Variants in MAP3K20 observed in about 807,000 individuals in gnomAD.
MAP3K20 encodes the protein HCCS-4.
In MAP3K20, 40 loss-of-function variants were observed where a neutral mutation model predicts 85.7. The ratio of observed to expected loss-of-function variants is 0.47; its 90% CI spans 0.36 to 0.61. The LOEUF is 0.61. MAP3K20 is among the 20% of genes least tolerant of loss of function. The pLI is 0.00. For missense variants in MAP3K20, 817 were observed against 961.7 expected (o/e 0.85, Z 1.99); for synonymous variants, 325 against 327.7 (o/e 0.99, Z 0.09).
chr2:173,134,428 A>ATTTTTTT lies in MAP3K20; in HGVS notation c.160-35364_160-35358dup, dbSNP rs1274644433. ...TATATATATATATATATATATATAT[A>ATTTTTTT]TTTTTTTTTTTTTTTTTTTGCAGAG... On this transcript the variant is annotated intron_variant, in intron 2 of 19. Coordinates refer to ENST00000375213, the MANE Select transcript of MAP3K20 (RefSeq NM_016653.3). 3.5e-3 allele frequency among the ~76,000 whole-genome samples: 11 copies of ATTTTTTT among 3,154 alleles called. 2 individuals carry two copies. The highest frequency in any genetic ancestry group is 0.031 in the East Asian group (7 of 224). The allele number at this position is 3,154 out of a possible 152,430, so 2.1% of individuals were successfully genotyped here.
intron 5 of MAP3K20, 148 bp from the exon 6 acceptor site, chr2:173,190,747 G>A: frequency 1.3e-6 from 1 of 755,740 alleles, no homozygotes; most frequent in South Asian, 2.0e-5. Flanking sequence ...GCCCCCTTTT[G>A]CAAAATCCTC....
chr2:173,224,923 A>G, intron 11 of MAP3K20: 2 of 985,282 alleles, frequency 2.0e-6, no homozygotes, highest in Non-Finnish European at 2.4e-6. Flanking sequence ...TGAAATGGCA[A>G]TTATCAGTGT....
chr2:173,227,006 T>C (rs1449540228), intron 11 of MAP3K20: 2 of 985,586 alleles, frequency 2.0e-6, no homozygotes, highest in African/African-American at 1.7e-5. Flanking sequence ...GATTTTATAG[T>C]TGGAATTTGA....
intron 16 of MAP3K20, among the ~76,000 whole-genome samples, chr2:173,243,779 A>G (rs1399746842): frequency 1.3e-5 from 2 of 151,912 alleles, no homozygotes; most frequent in African/African-American, 4.8e-5. Flanking sequence ...TCCCGCCACC[A>G]CGCCCGGCTA....
intron 1 of MAP3K20, among the ~76,000 whole-genome samples, chr2:173,084,979 ATCTC>A (rs1291563338): frequency 6.6e-6 from 1 of 152,196 alleles, no homozygotes; most frequent in Non-Finnish European, 1.5e-5. Flanking sequence ...CTGTTGAAAT[ATCTC>A]TTATTTGGAA....
chr2:173,093,782 C>T (rs954052377), intron 2 of MAP3K20, among the ~76,000 whole-genome samples: 1 of 152,000 alleles, frequency 6.6e-6, no homozygotes, highest in African/African-American at 2.4e-5. Flanking sequence ...AAATGTGGCA[C>T]ATATACACCA....
chr2:173,217,346 C>T (rs1667597676), intron 11 of MAP3K20, 96 bp downstream of exon 11: 3 of 1,321,114 alleles, frequency 2.3e-6, no homozygotes, highest in Non-Finnish European at 2.9e-6. Flanking sequence ...CCTCCCGCCG[C>T]CCCCTCCTCA....
chr2:173,186,005 C>T (rs1424700475), intron 4 of MAP3K20, among the ~76,000 whole-genome samples: 1 of 152,134 alleles, frequency 6.6e-6, no homozygotes, highest in East Asian at 1.9e-4. Context: ...GATGGATCTA[C>T]AAAAACATTA....
intron 3 of MAP3K20, among the ~76,000 whole-genome samples, chr2:173,172,822 C>T (rs1312532967): frequency 7.3e-5 from 11 of 149,794 alleles, no homozygotes; most frequent in Non-Finnish European, 7.4e-5. Context: ...TTTTTTGAGA[C>T]GGAGTCTTGC....
rs537260517 is a variant in MAP3K20 at position 173,142,935 on chromosome 2, G to A, written c.160-26870G>A. On this transcript the variant is annotated intron_variant, in intron 2 of 19. Transcript: ENST00000375213. ...CCAGCAATTTGGGAGGCCAGGGCAG[G>A]AGGATCACTTGAGCCCAGGAGTTCA... Among the ~76,000 whole-genome samples, 4 of 152,254 alleles carry A rather than the reference G, an allele frequency of 2.6e-5. 1 individual carries two copies. The highest frequency in any genetic ancestry group is 9.6e-5 in the African/African-American group (4 of 41,546).
At chr2:173,228,074 G>A (rs1684434953) in intron 11 of MAP3K20, among the ~76,000 whole-genome samples, 1 of 152,194 alleles carries the variant, frequency 6.6e-6, no homozygotes, top group Non-Finnish European at 1.5e-5. Flanking sequence ...GTGTTTCCGA[G>A]GAGGCAAGGG....
At chr2:173,110,076 T>G (rs1051199365) in intron 2 of MAP3K20, among the ~76,000 whole-genome samples, 1 of 150,398 alleles carries the variant, frequency 6.6e-6, no homozygotes, top group Admixed American at 6.6e-5. Context: ...TTTAAGATAT[T>G]ATTAAGTCAA....
chr2:173,077,466 A>G (rs1288546941), intron 1 of MAP3K20, among the ~76,000 whole-genome samples: 1 of 151,760 alleles, frequency 6.6e-6, no homozygotes, highest in Non-Finnish European at 1.5e-5. Flanking sequence ...TCCTGCTACT[A>G]TAGTGAGAGA....
chr2:173,091,809 A>C (rs1687307828), intron 2 of MAP3K20, among the ~76,000 whole-genome samples: 1 of 152,172 alleles, frequency 6.6e-6, no homozygotes, highest in Non-Finnish European at 1.5e-5. Context: ...AGTTGAGCTC[A>C]GAGTTCTTAG....
At chr2:173,192,222 T>C (rs982134289) in intron 7 of MAP3K20, among the ~76,000 whole-genome samples, 1 of 152,180 alleles carries the variant, frequency 6.6e-6, no homozygotes, top group Admixed American at 6.5e-5. Flanking sequence ...TTACTGCAGG[T>C]GGTAGCCAAT....
At chr2:173,247,333 G>A (rs1339905634) in intron 16 of MAP3K20, among the ~76,000 whole-genome samples, 1 of 144,610 alleles carries the variant, frequency 6.9e-6, no homozygotes, top group Non-Finnish European at 1.5e-5. Flanking sequence ...CTGTCAAATA[G>A]GGCTTTTTTT....
At chr2:173,084,790 A>G (rs1356984792) in intron 1 of MAP3K20, among the ~76,000 whole-genome samples, 1 of 152,220 alleles carries the variant, frequency 6.6e-6, no homozygotes, top group Non-Finnish European at 1.5e-5. Flanking sequence ...AATTTCCATT[A>G]ATTGCATGTA....
At chr2:173,145,862 A>C (rs968105389) in intron 2 of MAP3K20, among the ~76,000 whole-genome samples, 3 of 152,230 alleles carry the variant, frequency 2.0e-5, no homozygotes, top group Non-Finnish European at 4.4e-5. Flanking sequence ...CTCAAATATT[A>C]ACAGGAAAAT....
chr2:173,115,771 A>G (rs1378411863), intron 2 of MAP3K20, among the ~76,000 whole-genome samples: 8 of 152,132 alleles, frequency 5.3e-5, no homozygotes, highest in Non-Finnish European at 1.0e-4. Context: ...TGAACCGCCT[A>G]TAGGTCTCTC....
Sources: allele counts gnomAD v4.1 joint callset (sites outside exome capture counted in the v4.1 genomes callset), GRCh38; gene constraint gnomAD v4.1.1; transcripts MANE v1.5; gene names NCBI Gene and HGNC (gene_info 2026-07-23, HGNC 2026-07-21).